The following PIEZO2 variants were observed in gnomAD, a reference collection of about 807,000 sequenced individuals.
PIEZO2 encodes the protein piezo-type mechanosensitive ion channel component 2.
A neutral mutation model predicts 337.3 loss-of-function variants in PIEZO2; 172 were observed. The observed-to-expected ratio is 0.51, with a 90% CI of 0.45 to 0.58. The LOEUF is 0.58. Ranked by LOEUF, PIEZO2 falls within the 20% of genes least tolerant of loss-of-function variation. The pLI is 0.00. For missense variants in PIEZO2, 3,028 were observed against 3,391.3 expected (o/e 0.89, Z 2.66); for synonymous variants, 1,251 against 1,228.5 (o/e 1.02, Z -0.38).
rs998540331 is a variant in PIEZO2 at position 11,116,540 on chromosome 18, C to T, written c.64+31985G>A. On this transcript the variant is annotated intron_variant, in intron 1 of 55. Transcript: ENST00000674853. This position sits in a 1 kb window ranked among gnomAD's most constrained non-coding sequence, Gnocchi z 5.0. ...CATCCTGGCTAACACGGTGAAACCC[C>T]GTCTCTACTAAAAAAAATTAAAAAA... Among the ~76,000 whole-genome samples, 4 of 151,564 alleles carry T rather than the reference C, an allele frequency of 2.6e-5. No homozygotes were observed. Among genetic ancestry groups the T allele is most frequent in the East Asian group, 3.9e-4 (2 of 5,142 alleles).
Position 10,760,916 on chromosome 18 carries a change from G to T in PIEZO2, c.3445C>A (p.Leu1149Met). The T allele has an allele frequency of 1.3e-6, 2 of 1,529,048 alleles. No homozygotes were observed. The highest frequency in any genetic ancestry group is 2.4e-5 in the South Asian group (2 of 83,632). The allele number at this position is 1,529,048 out of a possible 1,614,324, so 94.7% of individuals were successfully genotyped here. The part of the protein sequence containing the change: ...FINYFFYKFG[L>M]ETCFLMSVNV... ...ATATCAGCAAGGAAACTCACCTCCA[G>T]ACCAAACTTGTAAAAGAAGTAATTA... Residue 1149 changes from leucine (L) to methionine (M), a missense_variant, in exon 24 of 56, where the codon CTG becomes ATG. Coordinates refer to ENST00000674853, the MANE Select transcript of PIEZO2 (RefSeq NM_001378183.1).
At chr18:10,910,942 T>G (rs5020171) in intron 4 of PIEZO2, among the ~76,000 whole-genome samples, 3 of 151,774 alleles carry the variant, frequency 2.0e-5, no homozygotes, top group African/African-American at 7.2e-5. Context: ...CAGTTCAAGA[T>G]GCGTTTTCAC....
At chr18:10,765,791 A>C (rs914867279) in intron 21 of PIEZO2, among the ~76,000 whole-genome samples, 5 of 151,950 alleles carry the variant, frequency 3.3e-5, no homozygotes, top group Non-Finnish European at 7.4e-5. Flanking sequence ...CAGAACAGAA[A>C]CACGCTGTGG....
At chr18:10,891,710 A>T (rs1568171364) in intron 4 of PIEZO2, among the ~76,000 whole-genome samples, 1 of 152,224 alleles carries the variant, frequency 6.6e-6, no homozygotes, top group Non-Finnish European at 1.5e-5. Context: ...CAAAGGCTGT[A>T]CTCAAATCTA....
At chr18:10,826,549 C>T (rs975391623) in intron 7 of PIEZO2, among the ~76,000 whole-genome samples, 3 of 152,178 alleles carry the variant, frequency 2.0e-5, no homozygotes, top group African/African-American at 7.2e-5. Flanking sequence ...ATATGCAGTT[C>T]CTTTTGTCTT....
rs1322336749 is a variant in PIEZO2 at position 10,773,433 on chromosome 18, C to G, written c.2764G>C (p.Glu922Gln). ...TTACCTGATGTTTCTTCCTCCTCCT[C>G]GGATTCCTCCTCTTCCTCTCCGTCC... ...EEDGEEEEES[E>Q]EEEETSDLRN... The change falls in exon 20 of 56, where the codon GAG (glutamate) becomes CAG (glutamine). Residue 922 changes from glutamate (E) to glutamine (Q), a missense_variant. By Grantham distance (29) the Glu-to-Gln change is conservative. This residue lies in a region of PIEZO2 where 1,925 missense variants were observed against 2,051.9 expected (regional missense o/e 0.94). Coordinates refer to ENST00000674853, the MANE Select transcript of PIEZO2 (RefSeq NM_001378183.1). The surrounding 1 kb of genome is among the most constrained non-coding windows in gnomAD (Gnocchi z 5.3). 1 of 1,537,250 alleles carries G rather than the reference C, an allele frequency of 6.5e-7. No homozygotes were observed. The highest frequency in any genetic ancestry group is 1.4e-5 in the African/African-American group (1 of 73,050).
At chr18:10,879,698 A>C (rs1271389107) in intron 4 of PIEZO2, among the ~76,000 whole-genome samples, 1 of 152,102 alleles carries the variant, frequency 6.6e-6, no homozygotes, top group African/African-American at 2.4e-5. Flanking sequence ...CCCAGCCTCC[A>C]ATCTTGTTAG....
At chr18:10,987,454 T>C (rs887948558) in intron 2 of PIEZO2, among the ~76,000 whole-genome samples, 2 of 152,092 alleles carry the variant, frequency 1.3e-5, no homozygotes, top group Non-Finnish European at 2.9e-5. Context: ...GAATACTCAG[T>C]GGGGAATGGA....
chr18:10,740,812 G>A (rs2037187074), intron 33 of PIEZO2: 3 of 683,468 alleles, frequency 4.4e-6, no homozygotes, highest in South Asian at 3.1e-5. Flanking sequence ...TCTACAGCCA[G>A]CACAAGAATG....
chr18:11,003,809 A>G lies in PIEZO2; in HGVS notation c.161-24149T>C, dbSNP rs1455469985. On this transcript the variant is annotated intron_variant, in intron 2 of 55. Transcript: ENST00000674853. This position sits in a 1 kb window ranked among gnomAD's most constrained non-coding sequence, Gnocchi z 4.6. The stretch of plus-strand genomic sequence containing the variant: ...GACCTGGGGAGAACAAGCAAACTCC[A>G]CATGGGGGTGGACCTGGAAACAAAG... Among the ~76,000 whole-genome samples the G allele has an allele frequency of 6.6e-6, 1 of 152,222 alleles. No homozygotes were observed. Among genetic ancestry groups the G allele is most frequent in the Non-Finnish European group, 1.5e-5 (1 of 68,038 alleles).
At chr18:10,718,624 G>T (rs1159508867) in intron 36 of PIEZO2, among the ~76,000 whole-genome samples, 1 of 152,214 alleles carries the variant, frequency 6.6e-6, no homozygotes, top group Non-Finnish European at 1.5e-5. Context: ...TAACAGTCAT[G>T]CCCATTTGTC....
In PIEZO2 at chr18:10,759,746, T is replaced by G. The variant is rs1455226267; in HGVS notation, c.3614A>C (p.Gln1205Pro). ...TGGGATGCCAATGCAGATGAAATAC[T>G]GGAAGGTGATGATGCATGCCAGGAA... ...CCFLACIITF[Q>P]YFICIGIPPA... Residue 1205 changes from glutamine (Q) to proline (P), a missense_variant, in exon 25 of 56, where the codon CAG (glutamine) becomes CCG (proline). Gln to Pro is a moderately conservative substitution (Grantham distance 76, BLOSUM62 -1). Coordinates refer to ENST00000674853, the MANE Select transcript of PIEZO2 (RefSeq NM_001378183.1). The surrounding 1 kb of genome is among the most constrained non-coding windows in gnomAD (Gnocchi z 5.5). The G allele has an allele frequency of 2.0e-6, 3 of 1,537,184 alleles. No homozygotes were observed. Among genetic ancestry groups the G allele is most frequent in the Non-Finnish European group, 1.7e-6 (2 of 1,146,920 alleles).
At position 11,027,665 on chromosome 18, in the gene PIEZO2, A is replaced by G. The variant is rs2036583599; in HGVS notation, c.160+38462T>C. Reference sequence around the variant, plus strand: ...AACAAATGGGAGTTCGGTGGGGTTTAAGTTCCATTTGGGGTTGTCTTTCAC... The same window carrying G: ...AACAAATGGGAGTTCGGTGGGGTTTGAGTTCCATTTGGGGTTGTCTTTCAC... On this transcript the variant is annotated intron_variant, in intron 2 of 55. Transcript: ENST00000674853. The surrounding 1 kb of genome is among the most constrained non-coding windows in gnomAD (Gnocchi z 4.2). Among the ~76,000 whole-genome samples the G allele has an allele frequency of 6.6e-6, 1 of 152,142 alleles. No individual in the cohort carries two copies. Among genetic ancestry groups the G allele is most frequent in the Non-Finnish European group, 1.5e-5 (1 of 68,018 alleles).
rs1193152271 is a variant in PIEZO2, at chr18:11,092,147, G to A, written c.65-25925C>T. Among the ~76,000 whole-genome samples, 1 of 152,166 alleles carries A rather than the reference G, an allele frequency of 6.6e-6. No individual in the cohort carries two copies. Among genetic ancestry groups the A allele is most frequent in the East Asian group, 1.9e-4 (1 of 5,190 alleles). ...ACCTGACTATAGAAAGAGATCTCAG[G>A]ACAGAGATTAATGGAGCATAATTCT... On this transcript the variant is annotated intron_variant, in intron 1 of 55. Transcript: ENST00000674853. This position sits in a 1 kb window ranked among gnomAD's most constrained non-coding sequence, Gnocchi z 4.5.
intron 35 of PIEZO2, among the ~76,000 whole-genome samples, chr18:10,731,944 G>A (rs2036804740): frequency 6.6e-6 from 1 of 152,102 alleles, no homozygotes; most frequent in African/African-American, 2.4e-5. Flanking sequence ...TTTACTTTGG[G>A]AAAATAGTTT....
At chr18:11,060,606 C>T (rs1470013638) in intron 2 of PIEZO2, among the ~76,000 whole-genome samples, 1 of 152,100 alleles carries the variant, frequency 6.6e-6, no homozygotes, top group African/African-American at 2.4e-5. Context: ...ATACAAACTA[C>T]CATCAGAGAA....
At chr18:10,879,326 G>C (rs2042349012) in intron 4 of PIEZO2, among the ~76,000 whole-genome samples, 1 of 151,254 alleles carries the variant, frequency 6.6e-6, no homozygotes, top group South Asian at 2.1e-4. Flanking sequence ...GTTTTACACG[G>C]AAGCACATAC....
In PIEZO2 at chr18:10,671,363, C is replaced by A. The variant is rs376282306; in HGVS notation, c.*164G>T. 21 of 681,306 alleles carry A rather than the reference C, an allele frequency of 3.1e-5. No individual in the cohort carries two copies. The highest frequency in any genetic ancestry group is 1.2e-4 in the East Asian group (4 of 33,982). The allele number at this position is 681,306 out of a possible 1,614,324, so 42.2% of individuals were successfully genotyped here. A position where few individuals can be genotyped will look rare whatever the true frequency, so the allele number is the denominator to read the frequency against. ...ACATTTTCAACAGTGCCTTAACTTG[C>A]AAGGTAGCTTTTACTGCAGAAGGAT... On this transcript the variant is annotated 3_prime_UTR_variant, in exon 56 of 56. Transcript: ENST00000674853.
intron 7 of PIEZO2, among the ~76,000 whole-genome samples, chr18:10,835,570 G>C (rs2040983676): frequency 1.3e-5 from 2 of 149,996 alleles, no homozygotes; most frequent in Non-Finnish European, 3.0e-5. Flanking sequence ...TTGAGACGGA[G>C]TCTCGCTCTG....
Sources: gnomAD v4.1 joint callset for allele counts (sites outside exome capture counted in the v4.1 genomes callset) on GRCh38, gnomAD v4.1.1 for gene constraint, gnomAD v4.1.1 regional missense constraint, Gnocchi (gnomAD v3.1) non-coding constraint, MANE v1.5 for transcripts, NCBI Gene and HGNC (gene_info 2026-07-23, HGNC 2026-07-21) for gene names.